Variants in GRID2IP observed in about 807,000 individuals in gnomAD.
The protein encoded by GRID2IP is delphilin.
A neutral mutation model predicts 114.3 loss-of-function variants in GRID2IP; 78 were observed. That is an observed-to-expected ratio of 0.68 (90% CI 0.57 to 0.82). GRID2IP has a LOEUF of 0.82. Among genes scored for constraint, GRID2IP ranks in the 40% least tolerant of loss-of-function variants. The pLI, the probability that GRID2IP is intolerant of heterozygous loss-of-function variation, is 0.00. For synonymous variants in GRID2IP, 809 were observed against 724.0 expected, an observed-to-expected ratio of 1.12 and a Z score of -1.89; for missense variants, 1,727 against 1,678.5, an observed-to-expected ratio of 1.03 and a Z score of -0.51.
Position 6,519,687 on chromosome 7 carries a change from G to T in GRID2IP, c.1268+891C>A, listed in dbSNP as rs1184754882. ...CAGGAGAATCGCTTGAGTCCGGGAGGTGGGGGTTGCGGTGAGCCGAGATCG... is the reference window on the plus strand; with the variant it reads ...CAGGAGAATCGCTTGAGTCCGGGAGTTGGGGGTTGCGGTGAGCCGAGATCG... On this transcript the variant is annotated intron_variant, in intron 7 of 21. Transcript: ENST00000457091. This position sits in a 1 kb window ranked among gnomAD's most constrained non-coding sequence, Gnocchi z 4.1. Among the ~76,000 whole-genome samples, 1 of 151,878 alleles carries T rather than the reference G, an allele frequency of 6.6e-6. No individual in the cohort carries two copies. The highest frequency in any genetic ancestry group is 2.4e-5 in the African/African-American group (1 of 41,354).
chr7:6,499,109 G>A (rs1304048146), intron 20 of GRID2IP, among the ~76,000 whole-genome samples: 1 of 152,044 alleles, frequency 6.6e-6, no homozygotes, highest in Non-Finnish European at 1.5e-5. Flanking sequence ...TTGAATCATC[G>A]TTTAACACCT....
chr7:6,520,814 G>A lies in GRID2IP; in HGVS notation c.1085-53C>T. ...TGAGTGACTCAGAGTCCCCAGGCCA[G>A]GTGTAGTCTCCCTGGCTTTTGAGGT... On this transcript the variant is annotated intron_variant, in intron 6 of 21. Coordinates refer to ENST00000457091, the MANE Select transcript of GRID2IP (RefSeq NM_001145118.2). This position sits in a 1 kb window ranked among gnomAD's most constrained non-coding sequence, Gnocchi z 4.6. 1 of 1,497,856 alleles carries A rather than the reference G, an allele frequency of 6.7e-7. No homozygotes were observed. The highest frequency in any genetic ancestry group is 9.0e-7 in the Non-Finnish European group (1 of 1,108,864). The allele number at this position is 1,497,856 out of a possible 1,614,324, so 92.8% of individuals were successfully genotyped here. A position where few individuals can be genotyped will look rare whatever the true frequency, so the allele number is the denominator to read the frequency against.
intron 2 of GRID2IP, among the ~76,000 whole-genome samples, chr7:6,527,038 A>G (rs1040234403): frequency 3.3e-5 from 5 of 151,866 alleles, no homozygotes; most frequent in African/African-American, 7.3e-5. Flanking sequence ...GACTCTGGCC[A>G]CTGCAGGGCC....
rs188807499 is a variant in GRID2IP, at chr7:6,530,647, G to C, written c.585-3878C>G. On this transcript the variant is annotated intron_variant, in intron 2 of 21. Coordinates refer to ENST00000457091, the MANE Select transcript of GRID2IP (RefSeq NM_001145118.2). ...GGTGGCAAGGGGACAAGGGTTCCCT[G>C]GTTCAGTATAGGGAGCACGGCAGTG... Among the ~76,000 whole-genome samples the C allele has an allele frequency of 2.3e-3, 346 of 152,188 alleles. 4 individuals are homozygous for C. The highest frequency in any genetic ancestry group is 1.0e-3 in the Non-Finnish European group (71 of 68,004).
Position 6,509,447 on chromosome 7 carries a change from CAGGAAG to C in GRID2IP, c.1772-140_1772-135del. 1.3e-6 allele frequency: 1 copy of C among 780,682 alleles called. No individual in the cohort carries two copies. Among genetic ancestry groups the C allele is most frequent in the Non-Finnish European group, 1.9e-6 (1 of 530,770 alleles). The allele number at this position is 780,682 out of a possible 1,614,324, so 48.4% of individuals were successfully genotyped here. The stretch of plus-strand genomic sequence containing the variant: ...CTCCTTTCCCTCTCTGGGCACAGTG[CAGGAAG>C]ACCTTGAGCGGCCCTGCCTTCCAAG... On this transcript the variant is annotated intron_variant, in intron 11 of 21. Transcript: ENST00000457091. This position sits in a 1 kb window ranked among gnomAD's most constrained non-coding sequence, Gnocchi z 4.9.
chr7:6,505,714 G>T, intron 14 of GRID2IP, 106 bp downstream of exon 14: 1 of 705,742 alleles, frequency 1.4e-6, no homozygotes, highest in Non-Finnish European at 2.5e-6. Flanking sequence ...GCTTGAGGAC[G>T]CATCAGGTTA....
At position 6,516,176 on chromosome 7, in the gene GRID2IP, A is replaced by C. The variant is rs944782882; in HGVS notation, c.1269-1647T>G. Reference sequence around the variant, plus strand: ...ATATCTTTTGACCTAGAAGCAGGGAAGAGCTTAAAATTTCAAAAGCCAAAA... The same window carrying C: ...ATATCTTTTGACCTAGAAGCAGGGACGAGCTTAAAATTTCAAAAGCCAAAA... On this transcript the variant is annotated intron_variant, in intron 7 of 21. Coordinates refer to ENST00000457091, the MANE Select transcript of GRID2IP (RefSeq NM_001145118.2). This position sits in a 1 kb window ranked among gnomAD's most constrained non-coding sequence, Gnocchi z 4.3. Among the ~76,000 whole-genome samples the C allele has an allele frequency of 4.6e-5, 7 of 151,850 alleles. No individual in the cohort carries two copies. The highest frequency in any genetic ancestry group is 1.7e-4 in the African/African-American group (7 of 41,400).
intron 2 of GRID2IP, among the ~76,000 whole-genome samples, chr7:6,529,113 G>A (rs1779569161): frequency 6.6e-6 from 1 of 152,130 alleles, no homozygotes; most frequent in Non-Finnish European, 1.5e-5. Context: ...ACCTGGGCAG[G>A]GGTCAAGAGG....
At chr7:6,522,805 A>ATGTGTGTGTGTG (rs776645557) in intron 4 of GRID2IP, among the ~76,000 whole-genome samples, 11 of 57,042 alleles carry the variant, frequency 1.9e-4, no homozygotes, top group Admixed American at 1.5e-3. Context: ...TGCCTGGCTA[A>ATGTGTGTGTGTG]TATGTGTGTG....
chr7:6,502,563 A>T (rs1464643453), intron 18 of GRID2IP, among the ~76,000 whole-genome samples: 9 of 150,678 alleles, frequency 6.0e-5, no homozygotes, highest in Admixed American at 5.3e-4. Context: ...CCCTCACTCC[A>T]TTTTTCCAGA....
At chr7:6,511,911 C>T (rs1203901679) in intron 8 of GRID2IP, among the ~76,000 whole-genome samples, 1 of 151,390 alleles carries the variant, frequency 6.6e-6, no homozygotes, top group Non-Finnish European at 1.5e-5. Context: ...CTCTTTCTCT[C>T]TTTCTCTCTT....
intron 7 of GRID2IP, among the ~76,000 whole-genome samples, chr7:6,515,200 G>C (rs553937393): frequency 2.0e-5 from 3 of 152,110 alleles, no homozygotes; most frequent in Admixed American, 2.0e-4. Flanking sequence ...GGCGGCTCAC[G>C]CCTGTAATCC....
Position 6,508,435 on chromosome 7 carries a change from G to A in GRID2IP, c.2128-34C>T, listed in dbSNP as rs1786662242. 6.5e-7 allele frequency: 1 copy of A among 1,550,296 alleles called. No homozygotes were observed. The highest frequency in any genetic ancestry group is 8.7e-7 in the Non-Finnish European group (1 of 1,146,894). ...GGGGAGAGAGGCAAGGGGAGGGTGA[G>A]GCTGGGCCCAGAGAGACTAGAGCAG... On this transcript the variant is annotated intron_variant, in intron 12 of 21. Coordinates refer to ENST00000457091, the MANE Select transcript of GRID2IP (RefSeq NM_001145118.2). This position sits in a 1 kb window ranked among gnomAD's most constrained non-coding sequence, Gnocchi z 5.6.
In GRID2IP at chr7:6,551,053, C is replaced by T. The variant is rs1272174615; in HGVS notation, c.384G>A (p.Ala128=). 2.3e-6 allele frequency: 3 copies of T among 1,307,250 alleles called. No individual in the cohort carries two copies. The highest frequency in any genetic ancestry group is 4.0e-5 in the Admixed American group (1 of 25,072). 81.0% of individuals were successfully genotyped at this position (1,307,250 alleles called of 1,614,324 possible). The stretch of plus-strand genomic sequence containing the variant: ...CCTTGCGCCTGCGCTCTCGGTGCAC[C>T]GCGTCCGGGCGCTTGCGGCCGGCCA... The part of the protein sequence containing the change: ...LRLAGRKRPD[A]VHRERRRKAQ... The change falls in exon 1 of 22, where the codon GCG becomes GCA. Residue 128 remains alanine, a synonymous_variant. Transcript: ENST00000457091.
At chr7:6,535,160 C>T (rs1017762793) in intron 2 of GRID2IP, among the ~76,000 whole-genome samples, 2 of 152,100 alleles carry the variant, frequency 1.3e-5, no homozygotes, top group Non-Finnish European at 2.9e-5. Flanking sequence ...GCTGGGATTA[C>T]AGGTGTGAGC....
At position 6,519,887 on chromosome 7, in the gene GRID2IP, T is replaced by C. The variant is rs1583343789; in HGVS notation, c.1268+691A>G. Among the ~76,000 whole-genome samples the C allele has an allele frequency of 6.6e-6, 1 of 152,194 alleles. No individual in the cohort carries two copies. Among genetic ancestry groups the C allele is most frequent in the Admixed American group, 6.5e-5 (1 of 15,280 alleles). ...TGTGATAAATGCAGCTGGCTGCAGC[T>C]GAGGTCCAAAAAGAAAGACACCAAC... On this transcript the variant is annotated intron_variant, in intron 7 of 21. Transcript: ENST00000457091. This position sits in a 1 kb window ranked among gnomAD's most constrained non-coding sequence, Gnocchi z 4.1.
intron 2 of GRID2IP, chr7:6,531,076 C>T (rs555223988): frequency 1.0e-4 from 65 of 625,900 alleles, no homozygotes; most frequent in Non-Finnish European, 1.7e-4. Flanking sequence ...ACCGAAAGTG[C>T]CGAGAGAAGC....
At position 6,496,979 on chromosome 7, in the gene GRID2IP, G is replaced by C. The variant is rs1786272678; in HGVS notation, c.*795C>G. ...GTCATCTGCCCCCACACCTGCCCCG[G>C]TCTCATGACTTGCTCCAGGGAACAT... On this transcript the variant is annotated 3_prime_UTR_variant, in exon 22 of 22. Transcript: ENST00000457091. Among the ~76,000 whole-genome samples the C allele has an allele frequency of 6.6e-6, 1 of 152,066 alleles. No homozygotes were observed.
rs1347961107 is a variant in GRID2IP, at chr7:6,528,993, A to T, written c.585-2224T>A. Among the ~76,000 whole-genome samples the T allele has an allele frequency of 6.6e-6, 1 of 152,136 alleles. No individual in the cohort carries two copies. The highest frequency in any genetic ancestry group is 1.9e-4 in the East Asian group (1 of 5,174). On this transcript the variant is annotated intron_variant, in intron 2 of 21. Transcript: ENST00000457091. This position sits in a 1 kb window ranked among gnomAD's most constrained non-coding sequence, Gnocchi z 6.0. ...TAGCGCCTCCCAGACCTCAAGCCTC[A>T]TGTCCAGGCAAAGGAGAGAAGACAC...
Sources: allele counts gnomAD v4.1 joint callset (sites outside exome capture counted in the v4.1 genomes callset), GRCh38; gene constraint gnomAD v4.1.1; non-coding constraint Gnocchi (gnomAD v3.1); transcripts MANE v1.5; gene names NCBI Gene and HGNC (gene_info 2026-07-23, HGNC 2026-07-21).